The following ZC3H12B variants were observed in gnomAD, a reference collection of about 807,000 sequenced individuals.
ZC3H12B encodes zinc finger CCCH-type containing 12B, also known as probable ribonuclease ZC3H12B.
A neutral mutation model predicts 43.9 loss-of-function variants in ZC3H12B; 7 were observed. That is an observed-to-expected ratio of 0.16 (90% CI 0.09 to 0.30). ZC3H12B has a LOEUF of 0.30. ZC3H12B is among the 10% of genes least tolerant of loss of function. The pLI is 1.00. For synonymous variants in ZC3H12B, 222 were observed against 241.7 expected (o/e 0.92, Z 0.76); for missense variants, 475 against 670.2 (o/e 0.71, Z 3.22).
intron 3 of ZC3H12B, among the ~76,000 whole-genome samples, chrX:65,422,992 G>T (rs1174691814): frequency 2.1e-5 from 2 of 95,319 alleles, no homozygotes; most frequent in Non-Finnish European, 4.0e-5. Flanking sequence ...GACTGCAGTG[G>T]TGCAATCTCA....
At chrX:65,394,416 A>C (rs2066668460) in intron 2 of ZC3H12B, among the ~76,000 whole-genome samples, 1 of 112,564 alleles carries the variant, frequency 8.9e-6, no homozygotes, top group African/African-American at 3.2e-5. Context: ...TGTTTTCTGC[A>C]TATGTCTAGC....
intron 3 of ZC3H12B, among the ~76,000 whole-genome samples, chrX:65,477,176 G>T (rs771329285): frequency 9.2e-6 from 1 of 109,000 alleles, no homozygotes; most frequent in African/African-American, 3.4e-5. Flanking sequence ...ATGATTAGGG[G>T]TAATGGCACT....
At chrX:65,408,402 C>T (rs752348336) in intron 3 of ZC3H12B, 9 of 1,204,883 alleles carry the variant, frequency 7.5e-6, no homozygotes, top group Non-Finnish European at 9.0e-6. Flanking sequence ...GTGGCCCAGG[C>T]TGTCGAACGT....
chrX:65,295,579 GAAAC>G, the ZC3H12B span, among the ~76,000 whole-genome samples: 1 of 110,550 alleles, frequency 9.0e-6, no homozygotes, highest in Non-Finnish European at 1.9e-5. Context: ...AAATTACGTT[GAAAC>G]AAACAAAAAA....
the ZC3H12B span, among the ~76,000 whole-genome samples, chrX:65,135,186 C>A: frequency 9.0e-6 from 1 of 111,372 alleles, no homozygotes; most frequent in Non-Finnish European, 1.9e-5. Flanking sequence ...AGCCTACCAA[C>A]TTTTATGTTA....
chrX:65,372,501 AAAGGAAGGAAGGAAGG>A (rs542094495), intron 2 of ZC3H12B, among the ~76,000 whole-genome samples: 13 of 83,429 alleles, frequency 1.6e-4, no homozygotes, highest in East Asian at 3.6e-4. Flanking sequence ...GGAAGGAAGG[AAAGGAAGGAAGGAAGG>A]AAGGAAGGAA....
At chrX:65,086,208 ATTTATT>A in the ZC3H12B span, among the ~76,000 whole-genome samples, 1 of 111,245 alleles carries the variant, frequency 9.0e-6, no homozygotes, top group African/African-American at 3.3e-5. Context: ...TTACATCTAT[ATTTATT>A]TTTATCTATA....
At chrX:65,352,540 G>T in the ZC3H12B span, among the ~76,000 whole-genome samples, 9 of 111,057 alleles carry the variant, frequency 8.1e-5, no homozygotes, top group African/African-American at 2.3e-4. Flanking sequence ...CTTTTCGGGG[G>T]TGATAAAATC....
the ZC3H12B span, among the ~76,000 whole-genome samples, chrX:65,062,407 T>G: frequency 8.9e-6 from 1 of 112,326 alleles, no homozygotes; most frequent in Non-Finnish European, 1.9e-5. Flanking sequence ...CACCATTTAT[T>G]AAATAGGGAA....
the ZC3H12B span, among the ~76,000 whole-genome samples, chrX:65,192,801 T>C: frequency 1.8e-5 from 2 of 111,296 alleles, no homozygotes; most frequent in Non-Finnish European, 3.8e-5. Flanking sequence ...GATAGATAGA[T>C]AGATTGTTTT....
chrX:65,159,634 G>A, the ZC3H12B span, among the ~76,000 whole-genome samples: 1 of 112,091 alleles, frequency 8.9e-6, no homozygotes, highest in Non-Finnish European at 1.9e-5. Context: ...CTTTGCTGAA[G>A]TTGCTTATCA....
chrX:65,143,755 G>A, the ZC3H12B span, among the ~76,000 whole-genome samples: 7 of 108,285 alleles, frequency 6.5e-5, no homozygotes, highest in African/African-American at 1.3e-4. Context: ...TTTTAATAGC[G>A]GTGGGGTTTT....
intron 3 of ZC3H12B, among the ~76,000 whole-genome samples, chrX:65,428,974 GT>G (rs2067117174): frequency 8.9e-6 from 1 of 112,281 alleles, no homozygotes. Context: ...TTTTCTGTTT[GT>G]TTTTGTTTTA....
chrX:65,376,719 G>A, intron 2 of ZC3H12B, among the ~76,000 whole-genome samples: 1 of 112,100 alleles, frequency 8.9e-6, no homozygotes, highest in South Asian at 3.7e-4. Flanking sequence ...CTGGGCCTGG[G>A]TTGCCCTCTA....
chrX:65,212,377 TATA>T, the ZC3H12B span, among the ~76,000 whole-genome samples: 2 of 53,454 alleles, frequency 3.7e-5, no homozygotes, highest in Non-Finnish European at 6.1e-5. Flanking sequence ...TTACATATTG[TATA>T]ATATGTAATA....
At chrX:65,304,968 A>G in the ZC3H12B span, among the ~76,000 whole-genome samples, 1 of 112,196 alleles carries the variant, frequency 8.9e-6, no homozygotes, top group Admixed American at 9.5e-5. Flanking sequence ...AAGTAATAAA[A>G]AAACCAAATA....
rs1292238552 is a variant in ZC3H12B at position 65,497,476 on chromosome X, CG to C, written c.748+207del. Among the ~76,000 whole-genome samples, 138 of 112,486 alleles carry C rather than the reference CG, an allele frequency of 1.2e-3. 1 individual carries two copies. Among genetic ancestry groups the C allele is most frequent in the African/African-American group, 4.3e-3 (132 of 31,005 alleles). On this transcript the variant is annotated intron_variant, in intron 2 of 4. Coordinates refer to ENST00000338957, the Ensembl canonical transcript of ZC3H12B. ...CAGTTAAATAAAGAAAACTTCAATT[CG>C]GCAAAAGATAAAGCACATAGTTTCA...
At chrX:65,436,873 G>A (rs1215992909) in intron 3 of ZC3H12B, among the ~76,000 whole-genome samples, 1 of 110,715 alleles carries the variant, frequency 9.0e-6, no homozygotes, top group African/African-American at 3.3e-5. Context: ...ATTTTAAAAC[G>A]TACAACAAAT....
the ZC3H12B span, among the ~76,000 whole-genome samples, chrX:65,267,971 T>A: frequency 9.0e-6 from 1 of 110,831 alleles, no homozygotes; most frequent in Non-Finnish European, 1.9e-5. Context: ...GAAAAAATGA[T>A]AATCCTGTGA....
Sources: gnomAD v4.1 joint callset for allele counts (sites outside exome capture counted in the v4.1 genomes callset) on GRCh38, gnomAD v4.1.1 for gene constraint, MANE v1.5 for transcripts, NCBI Gene and HGNC (gene_info 2026-07-23, HGNC 2026-07-21) for gene names.